GPC6: variants seen among roughly 807,000 people sequenced by gnomAD.
GPC6 encodes glypican-6.
In GPC6, 14 loss-of-function variants were observed where a neutral mutation model predicts 55.2. The ratio of observed to expected loss-of-function variants is 0.25; its 90% CI spans 0.17 to 0.40. The LOEUF (loss-of-function observed/expected upper bound fraction) is 0.40. Ranked by LOEUF, GPC6 falls within the 10% of genes least tolerant of loss-of-function variation. GPC6 has a pLI of 1.00. For missense variants in GPC6, 641 were observed against 708.5 expected, an observed-to-expected ratio of 0.90 and a Z score of 1.08; for synonymous variants, 278 against 259.6, an observed-to-expected ratio of 1.07 and a Z score of -0.68.
chr13:93,625,663 T>C (rs538891486), intron 2 of GPC6, among the ~76,000 whole-genome samples: 2 of 152,180 alleles, frequency 1.3e-5, no homozygotes. Flanking sequence ...TAAAAATCCC[T>C]CCTTCTACCT....
At chr13:93,369,653 A>G (rs1216375933) in intron 1 of GPC6, among the ~76,000 whole-genome samples, 1 of 152,154 alleles carries the variant, frequency 6.6e-6, no homozygotes, top group Non-Finnish European at 1.5e-5. Context: ...TTAGAAGCTC[A>G]AAAGTATGCT....
chr13:94,368,173 C>T (rs941529190), intron 6 of GPC6, among the ~76,000 whole-genome samples: 5 of 148,118 alleles, frequency 3.4e-5, no homozygotes, highest in Non-Finnish European at 6.0e-5. Flanking sequence ...AAAAGTACCA[C>T]ACCACCGCGA....
At chr13:94,097,387 A>G (rs1319029542) in intron 4 of GPC6, among the ~76,000 whole-genome samples, 4 of 151,774 alleles carry the variant, frequency 2.6e-5, no homozygotes, top group African/African-American at 4.8e-5. Context: ...GGCGCCTGTA[A>G]TCCCAGCTAC....
intron 4 of GPC6, among the ~76,000 whole-genome samples, chr13:94,102,646 A>G (rs1403638607): frequency 6.6e-6 from 1 of 152,068 alleles, no homozygotes; most frequent in East Asian, 1.9e-4. Flanking sequence ...TATCTTATTT[A>G]TACTTGCTTT....
chr13:94,004,269 T>C (rs1432846993), intron 3 of GPC6, among the ~76,000 whole-genome samples: 1 of 152,082 alleles, frequency 6.6e-6, no homozygotes, highest in Non-Finnish European at 1.5e-5. Context: ...ATTTTTCTTT[T>C]ATTTGCATCT....
At chr13:93,897,113 A>G (rs1433080623) in intron 3 of GPC6, among the ~76,000 whole-genome samples, 1 of 151,952 alleles carries the variant, frequency 6.6e-6, no homozygotes, top group African/African-American at 2.4e-5. Context: ...GAGCTTAAAA[A>G]ATAAAGTGGA....
At chr13:93,544,501 A>C (rs541230006) in intron 1 of GPC6, among the ~76,000 whole-genome samples, 2 of 152,290 alleles carry the variant, frequency 1.3e-5, no homozygotes, top group South Asian at 4.1e-4. Context: ...GAGCTGCTTC[A>C]ATTGGAAATT....
rs2139097110 is a variant in GPC6 at position 93,303,258 on chromosome 13, C to T, written c.160+75642C>T. ...CCCTCAGTTTACCTTTTCAACAGTT[C>T]AAATTCTGGTCACACCACTTACTAC... On this transcript the variant is annotated intron_variant, in intron 1 of 8. Transcript: ENST00000377047. Among the ~76,000 whole-genome samples, 4 of 152,292 alleles carry T rather than the reference C, an allele frequency of 2.6e-5. No homozygotes were observed. The South Asian group carries it at 8.3e-4, about 32-fold the overall frequency.
chr13:93,918,397 G>C (rs1431911797), intron 3 of GPC6, among the ~76,000 whole-genome samples: 1 of 152,054 alleles, frequency 6.6e-6, no homozygotes, highest in African/African-American at 2.4e-5. Context: ...TGAGCAAAGA[G>C]GGCAGTTTTA....
At chr13:94,021,482 A>C (rs912858627) in intron 3 of GPC6, among the ~76,000 whole-genome samples, 3 of 152,008 alleles carry the variant, frequency 2.0e-5, no homozygotes, top group Admixed American at 6.6e-5. Context: ...TCCCGTTTAG[A>C]AAACATAAGA....
At chr13:94,241,593 A>G (rs1332160960) in intron 4 of GPC6, among the ~76,000 whole-genome samples, 1 of 152,162 alleles carries the variant, frequency 6.6e-6, no homozygotes, top group African/African-American at 2.4e-5. Flanking sequence ...ATTTTTGTAA[A>G]TGTCTGGAAT....
chr13:94,114,921 C>T (rs1436895483), intron 4 of GPC6, among the ~76,000 whole-genome samples: 1 of 151,950 alleles, frequency 6.6e-6, no homozygotes, highest in Non-Finnish European at 1.5e-5. Context: ...AGTAAGATGG[C>T]TGACTCAGAG....
chr13:93,967,183 G>A (rs1489040523), intron 3 of GPC6, among the ~76,000 whole-genome samples: 1 of 152,162 alleles, frequency 6.6e-6, no homozygotes, highest in Non-Finnish European at 1.5e-5. Context: ...AGCAACTGCA[G>A]TGTGACAGTC....
intron 1 of GPC6, among the ~76,000 whole-genome samples, chr13:93,282,204 C>T (rs1197859567): frequency 1.3e-5 from 2 of 152,052 alleles, no homozygotes; most frequent in Non-Finnish European, 1.5e-5. Context: ...TTTCATAGGA[C>T]AATCAGAATT....
chr13:94,216,705 C>G (rs754707660), intron 4 of GPC6, among the ~76,000 whole-genome samples: 7 of 152,170 alleles, frequency 4.6e-5, no homozygotes, highest in Non-Finnish European at 1.0e-4. Context: ...GTGGTCAGAA[C>G]CCTAGGACTC....
intron 3 of GPC6, among the ~76,000 whole-genome samples, chr13:93,986,483 G>GA (rs773394515): frequency 1.4e-4 from 21 of 152,046 alleles, no homozygotes; most frequent in Non-Finnish European, 2.6e-4. Context: ...AGAAAAAGAG[G>GA]AAAAAACATT....
intron 1 of GPC6, among the ~76,000 whole-genome samples, chr13:93,430,983 C>T (rs548141826): frequency 7.1e-4 from 108 of 152,188 alleles, no homozygotes; most frequent in African/African-American, 2.5e-3. Flanking sequence ...CCTGGATGTA[C>T]CATTAGACCT....
intron 7 of GPC6, among the ~76,000 whole-genome samples, chr13:94,392,907 C>A (rs886972877): frequency 2.6e-5 from 4 of 151,416 alleles, no homozygotes; most frequent in Non-Finnish European, 4.4e-5. Context: ...GCCACTGCAC[C>A]CGGCCCTGTT....
intron 8 of GPC6, among the ~76,000 whole-genome samples, chr13:94,401,354 A>G (rs1881120467): frequency 6.6e-6 from 1 of 152,184 alleles, no homozygotes; most frequent in African/African-American, 2.4e-5. Context: ...CAAGCGGTGA[A>G]AAGTACTTTC....
Sources: gnomAD v4.1 joint callset for allele counts (sites outside exome capture counted in the v4.1 genomes callset) on GRCh38, gnomAD v4.1.1 for gene constraint, MANE v1.5 for transcripts, NCBI Gene and HGNC (gene_info 2026-07-23, HGNC 2026-07-21) for gene names.